The following TYW1 variants were observed in gnomAD, a reference collection of about 807,000 sequenced individuals.
The protein encoded by TYW1 is S-adenosyl-L-methionine-dependent tRNA 4-demethylwyosine synthase TYW1.
TYW1 carries 46 observed loss-of-function variants against 96.2 expected under a neutral mutation model. The ratio of observed to expected loss-of-function variants is 0.48; its 90% confidence interval spans 0.38 to 0.61. TYW1 has a LOEUF of 0.61. Among genes scored for constraint, TYW1 ranks in the 20% least tolerant of loss-of-function variants. The probability of loss-of-function intolerance (pLI) is 0.00; values close to 1 mark genes in which losing one functional copy is unlikely to be tolerated. For missense variants in TYW1, 684 were observed against 909.6 expected, an observed-to-expected ratio of 0.75 and a Z score of 3.19; for synonymous variants, 274 against 323.0, an observed-to-expected ratio of 0.85 and a Z score of 1.63.
intron 11 of TYW1, among the ~76,000 whole-genome samples, chr7:67,097,993 G>A (rs546628643): frequency 5.3e-5 from 8 of 152,074 alleles, no homozygotes; most frequent in Non-Finnish European, 1.0e-4. Flanking sequence ...GAGCTACTGC[G>A]CCTGGCCTGT....
intron 13 of TYW1, among the ~76,000 whole-genome samples, chr7:67,163,587 T>C (rs762804402): frequency 5.3e-5 from 8 of 152,196 alleles, no homozygotes; most frequent in Admixed American, 1.3e-4. Context: ...TCAGTTGATG[T>C]GCATGATCTT....
chr7:67,008,338 T>A (rs1245122662), intron 3 of TYW1, among the ~76,000 whole-genome samples: 2 of 152,192 alleles, frequency 1.3e-5, no homozygotes, highest in Admixed American at 6.5e-5. Flanking sequence ...ATCATTGGCC[T>A]TGGTGATTAA....
chr7:67,055,945 A>G (rs1306494707), intron 9 of TYW1, 58 bp downstream of exon 9: 1 of 1,238,380 alleles, frequency 8.1e-7, no homozygotes, highest in Non-Finnish European at 1.2e-6. Flanking sequence ...AATAGCTATT[A>G]TTATACACTG....
chr7:67,156,156 G>A (rs7792212), intron 13 of TYW1, among the ~76,000 whole-genome samples: 34,278 of 152,052 alleles, frequency 0.23, 3,989 homozygotes, highest in South Asian at 0.29. Flanking sequence ...GGTCCTGGTC[G>A]GGCCAGTCTT....
chr7:67,113,459 G>C (rs1797489313), intron 12 of TYW1, among the ~76,000 whole-genome samples: 1 of 152,066 alleles, frequency 6.6e-6, no homozygotes, highest in Non-Finnish European at 1.5e-5. Context: ...GTATTCTCTT[G>C]GATTTTTCAT....
intron 10 of TYW1, among the ~76,000 whole-genome samples, chr7:67,080,587 A>G (rs1796353929): frequency 6.6e-6 from 1 of 151,930 alleles, no homozygotes; most frequent in Non-Finnish European, 1.5e-5. Flanking sequence ...TTTAGTAGAG[A>G]TGGGGTATCA....
At chr7:67,078,451 G>T (rs1346874168) in intron 10 of TYW1, among the ~76,000 whole-genome samples, 2 of 152,022 alleles carry the variant, frequency 1.3e-5, no homozygotes. Flanking sequence ...ATTCTGCATA[G>T]GATTTCTTTG....
intron 15 of TYW1, among the ~76,000 whole-genome samples, chr7:67,222,866 C>CTTTTTTT (rs570972265): frequency 3.8e-3 from 417 of 109,290 alleles, no homozygotes; most frequent in Middle Eastern, 0.016. Flanking sequence ...CGCTTTTTTT[C>CTTTTTTT]TTTTTTTTTT....
chr7:67,156,921 C>G (rs562508212), intron 13 of TYW1, among the ~76,000 whole-genome samples: 1 of 151,942 alleles, frequency 6.6e-6, no homozygotes, highest in African/African-American at 2.4e-5. Context: ...GGTAGGGTTG[C>G]AGGTGTCAGT....
intron 13 of TYW1, among the ~76,000 whole-genome samples, chr7:67,128,402 T>C (rs1797967378): frequency 6.6e-6 from 1 of 152,214 alleles, no homozygotes; most frequent in Non-Finnish European, 1.5e-5. Flanking sequence ...AGGATTTCGA[T>C]CTCTGTTTAC....
chr7:67,063,968 C>T (rs774911520), intron 9 of TYW1, among the ~76,000 whole-genome samples: 36 of 152,080 alleles, frequency 2.4e-4, no homozygotes, highest in Middle Eastern at 3.2e-3. Context: ...GTCACTCCAA[C>T]GAAAGTAATA....
chr7:67,123,999 C>T (rs1427649745), intron 13 of TYW1, among the ~76,000 whole-genome samples: 1 of 151,988 alleles, frequency 6.6e-6, no homozygotes, highest in African/African-American at 2.4e-5. Context: ...CCTTTTGAAC[C>T]AAGAGTACCA....
Position 67,233,801 on chromosome 7 carries a change from G to A in TYW1, c.1978-4507G>A, listed in dbSNP as rs1250116589. On this transcript the variant is annotated intron_variant, in intron 15 of 15. Coordinates refer to ENST00000359626, the MANE Select transcript of TYW1 (RefSeq NM_018264.4). The stretch of plus-strand genomic sequence containing the variant: ...GAGCTGTGATTATTCAGTATGATTC[G>A]TCTCAGATTGCCCTGAGAGGCGGCA... Among the ~76,000 whole-genome samples the A allele has an allele frequency of 3.7e-5, 5 of 135,868 alleles. 2 individuals are homozygous for A. The highest frequency in any genetic ancestry group is 7.9e-5 in the Non-Finnish European group (5 of 63,120). 89.1% of individuals were successfully genotyped at this position (135,868 alleles called of 152,430 possible). A position where few individuals can be genotyped will look rare whatever the true frequency, so the allele number is the denominator to read the frequency against.
intron 13 of TYW1, among the ~76,000 whole-genome samples, chr7:67,138,235 G>C (rs1484720559): frequency 6.6e-6 from 1 of 152,098 alleles, no homozygotes; most frequent in Non-Finnish European, 1.5e-5. Context: ...TCTCTGCTTC[G>C]AGTGTTTATT....
rs201852688 is a variant in TYW1, at chr7:67,051,732, G to GT, written c.1102+1681dup. Reference sequence around the variant, plus strand: ...CCTGAAGGACTGTTTTTGTTTTTTTGTTTTTTTTTTTTTTTCTAATTTAAG... The same window carrying GT: ...CCTGAAGGACTGTTTTTGTTTTTTTGTTTTTTTTTTTTTTTTCTAATTTAAG... On this transcript the variant is annotated intron_variant, in intron 8 of 15. Coordinates refer to ENST00000359626, the MANE Select transcript of TYW1 (RefSeq NM_018264.4). Among the ~76,000 whole-genome samples the GT allele has an allele frequency of 3.6e-3, 450 of 123,892 alleles. 1 individual carries two copies. Among genetic ancestry groups the GT allele is most frequent in the South Asian group, 0.014 (54 of 3,820 alleles). The allele number at this position is 123,892 out of a possible 152,430, so 81.3% of individuals were successfully genotyped here. A position where few individuals can be genotyped will look rare whatever the true frequency, so the allele number is the denominator to read the frequency against.
intron 13 of TYW1, among the ~76,000 whole-genome samples, chr7:67,171,451 T>C (rs1459076647): frequency 2.0e-5 from 3 of 152,162 alleles, no homozygotes; most frequent in Non-Finnish European, 4.4e-5. Context: ...TTGCTAGGTC[T>C]TGGAGGAGAG....
intron 13 of TYW1, among the ~76,000 whole-genome samples, chr7:67,146,863 A>G (rs534605101): frequency 6.6e-6 from 1 of 152,160 alleles, no homozygotes; most frequent in African/African-American, 2.4e-5. Context: ...TTGACATTCA[A>G]CAGATGACTT....
At chr7:67,006,684 C>A (rs1793604716) in intron 3 of TYW1, among the ~76,000 whole-genome samples, 1 of 152,004 alleles carries the variant, frequency 6.6e-6, no homozygotes, top group Non-Finnish European at 1.5e-5. Context: ...AAGTGATCCG[C>A]CCGCCTTGAC....
chr7:67,178,179 AC>A (rs5884604), intron 13 of TYW1, among the ~76,000 whole-genome samples: 41,436 of 150,144 alleles, frequency 0.28, 6,172 homozygotes, highest in African/African-American at 0.39. Flanking sequence ...AGAAAAAAAA[AC>A]AGGAGGTGGG....
Sources: allele counts gnomAD v4.1 joint callset (sites outside exome capture counted in the v4.1 genomes callset), GRCh38; gene constraint gnomAD v4.1.1; transcripts MANE v1.5; gene names NCBI Gene and HGNC (gene_info 2026-07-23, HGNC 2026-07-21).